MYO1E: variants seen among roughly 807,000 people sequenced by gnomAD.
The protein encoded by MYO1E is myosin IE, also known as unconventional myosin-Ie.
MYO1E carries 68 observed loss-of-function variants against 151.1 expected under a neutral mutation model. The ratio of observed to expected loss-of-function variants is 0.45; its 90% CI spans 0.37 to 0.55. MYO1E has a LOEUF of 0.55. Among genes scored for constraint, MYO1E ranks in the 20% least tolerant of loss-of-function variants. The pLI is 0.00. For missense variants in MYO1E, 1,363 were observed against 1,389.3 expected (o/e 0.98, Z 0.30); for synonymous variants, 601 against 501.7 (o/e 1.20, Z -2.64).
intron 1 of MYO1E, among the ~76,000 whole-genome samples, chr15:59,351,665 A>G (rs1410296324): frequency 1.3e-5 from 2 of 152,168 alleles, no homozygotes; most frequent in Non-Finnish European, 2.9e-5. Context: ...TTCCCAGTGT[A>G]AGACAATGCA....
intron 1 of MYO1E, among the ~76,000 whole-genome samples, chr15:59,370,492 C>T (rs2080938384): frequency 6.6e-6 from 1 of 152,224 alleles, no homozygotes; most frequent in African/African-American, 2.4e-5. Flanking sequence ...TGAATTGTGA[C>T]TTCAGCAACC....
At chr15:59,221,215 T>C (rs1433273594) in intron 9 of MYO1E, among the ~76,000 whole-genome samples, 1 of 151,770 alleles carries the variant, frequency 6.6e-6, no homozygotes, top group Non-Finnish European at 1.5e-5. Context: ...TTCACCATGT[T>C]GGCCAGGCTG....
chr15:59,197,186 T>A (rs1207996725), intron 16 of MYO1E, among the ~76,000 whole-genome samples: 2 of 151,988 alleles, frequency 1.3e-5, no homozygotes. Flanking sequence ...AGAGATGGGG[T>A]TTCACCATGT....
chr15:59,261,828 G>GA (rs1470389872), intron 2 of MYO1E, among the ~76,000 whole-genome samples: 38 of 152,068 alleles, frequency 2.5e-4, no homozygotes, highest in African/African-American at 8.0e-4. Flanking sequence ...GCCAAAGAGT[G>GA]AAAAAAGCAG....
chr15:59,308,563 A>G (rs2080529834), intron 1 of MYO1E, among the ~76,000 whole-genome samples: 1 of 150,814 alleles, frequency 6.6e-6, no homozygotes, highest in Non-Finnish European at 1.5e-5. Flanking sequence ...TCCCAGCTAC[A>G]TGGGAGGCTG....
chr15:59,202,827 G>C (rs542477481), intron 15 of MYO1E, among the ~76,000 whole-genome samples: 2 of 151,948 alleles, frequency 1.3e-5, no homozygotes, highest in African/African-American at 2.4e-5. Flanking sequence ...CTGCAGCCTC[G>C]ACCTCCCAGA....
At chr15:59,245,850 G>A (rs1374542307) in intron 4 of MYO1E, among the ~76,000 whole-genome samples, 1 of 152,220 alleles carries the variant, frequency 6.6e-6, no homozygotes, top group Non-Finnish European at 1.5e-5. Context: ...CTTGTCTGGT[G>A]ATGGAGAGAT....
intron 9 of MYO1E, among the ~76,000 whole-genome samples, chr15:59,218,980 T>C (rs1000548846): frequency 3.3e-5 from 5 of 152,128 alleles, no homozygotes; most frequent in African/African-American, 1.2e-4. Flanking sequence ...GGTCCTTGAA[T>C]GGTATGATAT....
intron 5 of MYO1E, among the ~76,000 whole-genome samples, chr15:59,236,292 G>A (rs576689733): frequency 4.0e-5 from 6 of 149,896 alleles, no homozygotes; most frequent in South Asian, 4.3e-4. Flanking sequence ...GTGGTGAGCC[G>A]AGATCGCGCC....
intron 16 of MYO1E, among the ~76,000 whole-genome samples, chr15:59,198,024 G>A (rs2079778533): frequency 6.6e-6 from 1 of 152,042 alleles, no homozygotes; most frequent in South Asian, 2.1e-4. Context: ...ACCACACCCA[G>A]CTAATTTTTG....
chr15:59,296,909 G>A (rs1248543997), intron 1 of MYO1E, among the ~76,000 whole-genome samples: 2 of 141,066 alleles, frequency 1.4e-5, no homozygotes, highest in African/African-American at 5.3e-5. Context: ...GCATGATGTC[G>A]GCTCACTGCA....
chr15:59,221,600 T>C (rs2079956833), intron 9 of MYO1E, among the ~76,000 whole-genome samples: 1 of 152,150 alleles, frequency 6.6e-6, no homozygotes, highest in South Asian at 2.1e-4. Flanking sequence ...GGGAGGCCCA[T>C]TTCCTGGACC....
At chr15:59,211,462 T>C (rs1361664545) in intron 12 of MYO1E, among the ~76,000 whole-genome samples, 1 of 152,000 alleles carries the variant, frequency 6.6e-6, no homozygotes, top group African/African-American at 2.4e-5. Context: ...CTCTAGGTGA[T>C]TTCAATCAAT....
chr15:59,188,541 A>T (rs1223431216), intron 17 of MYO1E, among the ~76,000 whole-genome samples: 1 of 151,818 alleles, frequency 6.6e-6, no homozygotes, highest in Non-Finnish European at 1.5e-5. Flanking sequence ...ATTAAAAATA[A>T]AAAAATTAGC....
intron 1 of MYO1E, among the ~76,000 whole-genome samples, chr15:59,289,488 G>T (rs780562040): frequency 3.3e-5 from 5 of 152,160 alleles, no homozygotes; most frequent in Non-Finnish European, 5.9e-5. Context: ...TTTCCAGTGA[G>T]TTTCCTTGCA....
At chr15:59,201,401 A>ATTT (rs35807865) in intron 16 of MYO1E, among the ~76,000 whole-genome samples, 2 of 113,202 alleles carry the variant, frequency 1.8e-5, no homozygotes, top group Non-Finnish European at 1.9e-5. Flanking sequence ...GCTGACACAG[A>ATTT]TTTTTTTTTT....
chr15:59,169,738 GA>G (rs1239746041), intron 22 of MYO1E, among the ~76,000 whole-genome samples: 1 of 152,132 alleles, frequency 6.6e-6, no homozygotes, highest in African/African-American at 2.4e-5. Flanking sequence ...GGCTGTAAAA[GA>G]AGACAATAAA....
chr15:59,352,134 A>G (rs2080826811), intron 1 of MYO1E, among the ~76,000 whole-genome samples: 1 of 152,230 alleles, frequency 6.6e-6, no homozygotes, highest in African/African-American at 2.4e-5. Context: ...TATTCTGTGC[A>G]TCTCCTTAAG....
chr15:59,254,852 G>A (rs1249870198), intron 4 of MYO1E, among the ~76,000 whole-genome samples: 1 of 151,808 alleles, frequency 6.6e-6, no homozygotes, highest in Non-Finnish European at 1.5e-5. Context: ...TTGATATGGA[G>A]TCTCAGTCTG....
Sources: allele counts gnomAD v4.1 joint callset (sites outside exome capture counted in the v4.1 genomes callset), GRCh38; gene constraint gnomAD v4.1.1; transcripts MANE v1.5; gene names NCBI Gene and HGNC (gene_info 2026-07-23, HGNC 2026-07-21).